AHCYL2: variants seen among roughly 807,000 people sequenced by gnomAD.
AHCYL2 encodes the protein S-adenosylhomocysteine hydrolase-like protein 2.
Under a neutral mutation model 81.4 loss-of-function variants are expected in AHCYL2, and 28 were observed. The observed-to-expected ratio is 0.34, with a 90% CI of 0.25 to 0.47. The LOEUF (loss-of-function observed/expected upper bound fraction) is 0.47. AHCYL2 is among the 20% of genes least tolerant of loss of function. AHCYL2 has a pLI of 1.00. For missense variants in AHCYL2, 551 were observed against 785.1 expected (o/e 0.70, Z 3.56); for synonymous variants, 272 against 290.2 (o/e 0.94, Z 0.64).
intron 1 of AHCYL2, among the ~76,000 whole-genome samples, chr7:129,328,224 C>A (rs1313237354): frequency 6.6e-6 from 1 of 152,248 alleles, no homozygotes; most frequent in Non-Finnish European, 1.5e-5. Context: ...GTTGCCCAGG[C>A]TGGAGTGCAG....
At chr7:129,295,528 A>G (rs1725157120) in intron 1 of AHCYL2, among the ~76,000 whole-genome samples, 1 of 152,206 alleles carries the variant, frequency 6.6e-6, no homozygotes, top group Non-Finnish European at 1.5e-5. Context: ...CTGAGACCCC[A>G]TCTAGTCATT....
intron 2 of AHCYL2, among the ~76,000 whole-genome samples, chr7:129,384,976 T>TA (rs1795139503): frequency 6.6e-6 from 1 of 152,162 alleles, no homozygotes. Context: ...AAAAACCTCA[T>TA]AAAAACAAAT....
chr7:129,391,628 G>A (rs1795474512), intron 4 of AHCYL2, among the ~76,000 whole-genome samples: 1 of 152,178 alleles, frequency 6.6e-6, no homozygotes, highest in Admixed American at 6.5e-5. Flanking sequence ...CCACTATCGG[G>A]AAATTGTTAT....
At chr7:129,376,722 G>A (rs565385615) in intron 1 of AHCYL2, among the ~76,000 whole-genome samples, 25 of 152,330 alleles carry the variant, frequency 1.6e-4, no homozygotes, top group East Asian at 1.5e-3. Context: ...GTACATGTAC[G>A]CAGGTGTGTG....
In AHCYL2 at chr7:129,225,121, T is replaced by G. The variant is rs1794157513; in HGVS notation, c.45T>G (p.Pro15=). 5.6e-6 allele frequency: 9 copies of G among 1,602,228 alleles called. No individual in the cohort carries two copies. The highest frequency in any genetic ancestry group is 7.7e-6 in the Non-Finnish European group (9 of 1,175,638). The part of the protein sequence containing the change: ...VVSAAAAAKV[P]EVELKDLSPS... ...CAGCCGCGGCTGCCGCCAAGGTGCC[T>G]GAGGTGGAGCTGAAGGACCTGAGCC... Residue 15 remains proline, a synonymous_variant, in exon 1 of 17, where the codon CCT becomes CCG. Coordinates refer to ENST00000325006, the MANE Select transcript of AHCYL2 (RefSeq NM_015328.4).
intron 1 of AHCYL2, among the ~76,000 whole-genome samples, chr7:129,251,079 G>A (rs1795231297): frequency 6.6e-6 from 1 of 152,174 alleles, no homozygotes; most frequent in African/African-American, 2.4e-5. Flanking sequence ...ATGTTGTTGT[G>A]TGTTTTTAAA....
intron 1 of AHCYL2, among the ~76,000 whole-genome samples, chr7:129,353,740 ATGTT>A (rs1379569519): frequency 6.6e-6 from 1 of 150,386 alleles, no homozygotes; most frequent in Non-Finnish European, 1.5e-5. Flanking sequence ...AATTACCTGT[ATGTT>A]AATAGTAAAT....
At chr7:129,346,235 G>A (rs1441407038) in intron 1 of AHCYL2, among the ~76,000 whole-genome samples, 1 of 152,130 alleles carries the variant, frequency 6.6e-6, no homozygotes, top group African/African-American at 2.4e-5. Context: ...GATGGTAAGA[G>A]CAGAGTTAAA....
intron 1 of AHCYL2, among the ~76,000 whole-genome samples, chr7:129,230,790 C>T (rs1359995106): frequency 6.6e-6 from 1 of 151,708 alleles, no homozygotes; most frequent in Non-Finnish European, 1.5e-5. Context: ...CTAGGCTGGT[C>T]GTGAACTTCT....
At chr7:129,338,151 G>C (rs962806947) in intron 1 of AHCYL2, among the ~76,000 whole-genome samples, 2 of 151,996 alleles carry the variant, frequency 1.3e-5, no homozygotes, top group Non-Finnish European at 2.9e-5. Flanking sequence ...TGATTCCAAG[G>C]ATGTATGCAT....
chr7:129,416,085 T>A (rs1028174757), intron 12 of AHCYL2, among the ~76,000 whole-genome samples: 3 of 152,034 alleles, frequency 2.0e-5, no homozygotes, highest in Admixed American at 2.0e-4. Context: ...GTTTTTTTTT[T>A]ACTCCTAGTC....
At chr7:129,264,651 G>A (rs1795756351) in intron 1 of AHCYL2, among the ~76,000 whole-genome samples, 1 of 152,194 alleles carries the variant, frequency 6.6e-6, no homozygotes, top group Admixed American at 6.5e-5. Context: ...TGGTGATAAG[G>A]TCTGGAGTAA....
chr7:129,392,385 G>A (rs1795511860), intron 4 of AHCYL2, among the ~76,000 whole-genome samples: 1 of 152,210 alleles, frequency 6.6e-6, no homozygotes, highest in Non-Finnish European at 1.5e-5. Context: ...GTGAGGGCCT[G>A]TTCCTTATAG....
intron 12 of AHCYL2, among the ~76,000 whole-genome samples, chr7:129,420,763 G>A (rs1244417891): frequency 2.6e-5 from 4 of 151,902 alleles, no homozygotes; most frequent in African/African-American, 9.7e-5. Flanking sequence ...TGGGATTACA[G>A]GCATGAACCA....
At chr7:129,422,767 T>C in intron 12 of AHCYL2, 73 bp from the exon 13 acceptor site, 2 of 1,349,380 alleles carry the variant, frequency 1.5e-6, no homozygotes, top group South Asian at 2.5e-5. Flanking sequence ...TTGAAATGGC[T>C]CCCTTCAACA....
At chr7:129,367,182 G>T in intron 1 of AHCYL2, among the ~76,000 whole-genome samples, 1 of 152,086 alleles carries the variant, frequency 6.6e-6, no homozygotes, top group East Asian at 1.9e-4. Flanking sequence ...AGTGATTTTG[G>T]GGGCCCAAGA....
At position 129,225,304 on chromosome 7, in the gene AHCYL2, C is replaced by G. The variant is rs1397506732; in HGVS notation, c.228C>G (p.Ala76=). The stretch of plus-strand genomic sequence containing the variant: ...GGCCCGCCGCCGCTCTCAGCCCCGC[C>G]GCCGGGAAGGTGCCTCAGGCGTCGG... ...GSGPAAALSP[A]AGKVPQASAM... is the part of the protein sequence containing the mutation. The change falls in exon 1 of 17, where the codon GCC becomes GCG. Residue 76 remains alanine, a synonymous_variant. Transcript: ENST00000325006. 1.4e-6 allele frequency: 2 copies of G among 1,478,182 alleles called. No homozygotes were observed. The highest frequency in any genetic ancestry group is 2.9e-5 in the African/African-American group (2 of 68,228). The allele number at this position is 1,478,182 out of a possible 1,614,324, so 91.6% of individuals were successfully genotyped here.
chr7:129,302,709 C>G, intron 1 of AHCYL2, among the ~76,000 whole-genome samples: 1 of 152,122 alleles, frequency 6.6e-6, no homozygotes, highest in Non-Finnish European at 1.5e-5. Context: ...TGGGATACAT[C>G]TCACTTGATC....
intron 1 of AHCYL2, among the ~76,000 whole-genome samples, chr7:129,255,031 G>A (rs900370012): frequency 1.3e-5 from 2 of 152,040 alleles, no homozygotes; most frequent in African/African-American, 4.8e-5. Flanking sequence ...GGGAGGCCAA[G>A]GCGGGAGGAT....
Sources: allele counts gnomAD v4.1 joint callset (sites outside exome capture counted in the v4.1 genomes callset), GRCh38; gene constraint gnomAD v4.1.1; transcripts MANE v1.5; gene names NCBI Gene and HGNC (gene_info 2026-07-23, HGNC 2026-07-21).